SIPA1L1: variants seen among roughly 807,000 people sequenced by gnomAD.
The protein encoded by SIPA1L1 is signal-induced proliferation-associated 1-like protein 1.
SIPA1L1 carries 26 observed loss-of-function variants against 162.7 expected under a neutral mutation model. The observed-to-expected ratio is 0.16, with a 90% CI of 0.12 to 0.22. The LOEUF (loss-of-function observed/expected upper bound fraction) is 0.22. SIPA1L1 is among the 10% of genes least tolerant of loss of function. The probability of loss-of-function intolerance (pLI) is 1.00; values close to 1 mark genes in which losing one functional copy is unlikely to be tolerated. For synonymous variants in SIPA1L1, 829 were observed against 837.4 expected, an observed-to-expected ratio of 0.99 and a Z score of 0.17; for missense variants, 1,874 against 2,241.0, an observed-to-expected ratio of 0.84 and a Z score of 3.31.
intron 2 of SIPA1L1, among the ~76,000 whole-genome samples, chr14:71,487,240 G>A (rs2048842742): frequency 6.6e-6 from 1 of 152,166 alleles, no homozygotes; most frequent in South Asian, 2.1e-4. Context: ...CCTTCTGACT[G>A]GTTTAGTGGC....
At chr14:71,559,136 C>T (rs996704743) in intron 4 of SIPA1L1, among the ~76,000 whole-genome samples, 2 of 151,058 alleles carry the variant, frequency 1.3e-5, no homozygotes, top group South Asian at 4.2e-4. Context: ...GGCGCTATCT[C>T]AGCTCATTGC....
intron 2 of SIPA1L1, among the ~76,000 whole-genome samples, chr14:71,448,033 T>G (rs541373286): frequency 1.3e-5 from 2 of 152,302 alleles, no homozygotes; most frequent in South Asian, 2.1e-4. Context: ...TGGCCAGAGA[T>G]ATTTTCTTGT....
intron 5 of SIPA1L1, among the ~76,000 whole-genome samples, chr14:71,610,081 A>C (rs1034586941): frequency 4.6e-5 from 7 of 152,200 alleles, no homozygotes; most frequent in Admixed American, 2.0e-4. Flanking sequence ...GGGTGAGTGT[A>C]GTTAATATTC....
intron 16 of SIPA1L1, among the ~76,000 whole-genome samples, chr14:71,708,282 A>G (rs1024424407): frequency 1.3e-4 from 18 of 140,822 alleles, no homozygotes; most frequent in African/African-American, 4.2e-4. Context: ...TTGTGAGTTT[A>G]TTTTTCTATA....
chr14:71,625,526 A>G (rs2039888729), intron 7 of SIPA1L1, among the ~76,000 whole-genome samples: 1 of 152,204 alleles, frequency 6.6e-6, no homozygotes, highest in Non-Finnish European at 1.5e-5. Flanking sequence ...ATGCACAGCT[A>G]ATATCTATTT....
At chr14:71,436,549 C>G (rs1245602880) in intron 2 of SIPA1L1, among the ~76,000 whole-genome samples, 2 of 152,030 alleles carry the variant, frequency 1.3e-5, no homozygotes, top group South Asian at 2.1e-4. Flanking sequence ...TTATCAAATT[C>G]CTGAAGTCTT....
chr14:71,358,639 A>G (rs1388747460), intron 2 of SIPA1L1, among the ~76,000 whole-genome samples: 3 of 152,160 alleles, frequency 2.0e-5, no homozygotes, highest in Non-Finnish European at 4.4e-5. Flanking sequence ...ATAGCACTGT[A>G]TTAGTCAATT....
At chr14:71,718,767 A>G (rs1163652764) in intron 17 of SIPA1L1, among the ~76,000 whole-genome samples, 3 of 152,204 alleles carry the variant, frequency 2.0e-5, no homozygotes, top group Non-Finnish European at 4.4e-5. Flanking sequence ...CTTTAAGTCA[A>G]CATTATGTTG....
chr14:71,354,351 C>T (rs1170617615), intron 2 of SIPA1L1, among the ~76,000 whole-genome samples: 4 of 150,092 alleles, frequency 2.7e-5, no homozygotes, highest in Admixed American at 2.7e-4. Flanking sequence ...CATCTTGGCT[C>T]ACTGGAATCT....
rs775161795 is a variant in SIPA1L1, at chr14:71,705,296, C to T, written c.3721C>T (p.Arg1241Trp). 20 of 1,613,918 alleles carry T rather than the reference C, an allele frequency of 1.2e-5. No homozygotes were observed. The highest frequency in any genetic ancestry group is 2.2e-5 in the South Asian group (2 of 91,082). ...FRESPSGRLM[R>W]QDPVVHLSPN... ...AGAGAGCCCCAGTGGGAGATTAATG[C>T]GGCAGGATCCAGTGGTTCATTTGTC... The change falls in exon 16 of 24, where the codon CGG becomes TGG. Residue 1241 changes from arginine to tryptophan, a missense_variant. By Grantham distance (101) the Arg-to-Trp change is moderately radical. Transcript: ENST00000381232.
chr14:71,669,883 T>G (rs921858778), intron 10 of SIPA1L1, among the ~76,000 whole-genome samples: 2 of 152,204 alleles, frequency 1.3e-5, no homozygotes, highest in African/African-American at 4.8e-5. Context: ...ATTTTTATTT[T>G]TCTTATTTTC....
At position 71,365,214 on chromosome 14, in the gene SIPA1L1, A is replaced by G. The variant is rs61336865; in HGVS notation, c.-465+44033A>G. On this transcript the variant is annotated intron_variant, in intron 2 of 23. Coordinates refer to ENST00000381232, the MANE Select transcript of SIPA1L1 (RefSeq NM_001386936.1). The stretch of plus-strand genomic sequence containing the variant: ...TTTTTTTGTAGAAACAGGGTCTCAC[A>G]TGTTGCACAGGCTAGTCTTGAACTC... Among the ~76,000 whole-genome samples, 589 of 151,128 alleles carry G rather than the reference A, an allele frequency of 3.9e-3. 6 individuals are homozygous for G. The highest frequency in any genetic ancestry group is 0.014 in the African/African-American group (566 of 41,070).
At chr14:71,411,403 T>G (rs1039983491) in intron 2 of SIPA1L1, among the ~76,000 whole-genome samples, 1 of 152,200 alleles carries the variant, frequency 6.6e-6, no homozygotes, top group African/African-American at 2.4e-5. Flanking sequence ...CTTTGTTCTC[T>G]TAGCCATTGA....
chr14:71,694,330 TA>T (rs1288431638), intron 13 of SIPA1L1, among the ~76,000 whole-genome samples: 1 of 152,158 alleles, frequency 6.6e-6, no homozygotes, highest in Non-Finnish European at 1.5e-5. Flanking sequence ...CATCTCTTCC[TA>T]AATGTCCAAC....
At chr14:71,530,568 G>C (rs2053341397) in intron 4 of SIPA1L1, among the ~76,000 whole-genome samples, 1 of 151,992 alleles carries the variant, frequency 6.6e-6, no homozygotes, top group African/African-American at 2.4e-5. Context: ...AGCATATAAG[G>C]CATAACACAA....
chr14:71,661,209 G>C, intron 9 of SIPA1L1, 101 bp from the exon 10 acceptor site: 3 of 1,244,272 alleles, frequency 2.4e-6, no homozygotes, highest in Admixed American at 2.0e-5. Context: ...CATGTGTACT[G>C]ATTAGGAATG....
At chr14:71,723,418 ATTTTTAC>A (rs906854811) in intron 17 of SIPA1L1, among the ~76,000 whole-genome samples, 4 of 152,174 alleles carry the variant, frequency 2.6e-5, no homozygotes, top group African/African-American at 9.7e-5. Flanking sequence ...AGTCTTAAGT[ATTTTTAC>A]TTTTTAAAGT....
chr14:71,552,978 C>A (rs1388239786), intron 4 of SIPA1L1, among the ~76,000 whole-genome samples: 1 of 152,034 alleles, frequency 6.6e-6, no homozygotes, highest in Non-Finnish European at 1.5e-5. Context: ...CAGCTGCATC[C>A]CCGGCCTCTA....
At chr14:71,340,202 A>G (rs2035504630) in intron 2 of SIPA1L1, among the ~76,000 whole-genome samples, 1 of 152,006 alleles carries the variant, frequency 6.6e-6, no homozygotes, top group Non-Finnish European at 1.5e-5. Context: ...TATATGGTTT[A>G]TTATTCATTC....
Sources: gnomAD v4.1 joint callset for allele counts (sites outside exome capture counted in the v4.1 genomes callset) on GRCh38, gnomAD v4.1.1 for gene constraint, MANE v1.5 for transcripts, NCBI Gene and HGNC (gene_info 2026-07-23, HGNC 2026-07-21) for gene names.